The following FTCD variants were observed in gnomAD, a reference collection of about 807,000 sequenced individuals.
The protein encoded by FTCD is formimidoyltransferase cyclodeaminase.
In FTCD, 76 loss-of-function variants were observed where a neutral mutation model predicts 62.9. That is an observed-to-expected ratio of 1.21 (90% CI 1.00 to 1.46). The LOEUF is 1.46. Among genes scored for constraint, FTCD ranks in the 40% most tolerant of loss-of-function variants. The probability of loss-of-function intolerance (pLI) is 0.00; values close to 1 mark genes in which losing one functional copy is unlikely to be tolerated. For synonymous variants in FTCD, 397 were observed against 336.9 expected, an observed-to-expected ratio of 1.18 and a Z score of -1.95; for missense variants, 845 against 751.3, an observed-to-expected ratio of 1.12 and a Z score of -1.46.
intron 7 of FTCD, among the ~76,000 whole-genome samples, chr21:46,147,446 G>C (rs73384614): frequency 0.059 from 9,020 of 152,276 alleles, 348 homozygotes; most frequent in South Asian, 0.21. Context: ...ACAAGCGCCA[G>C]CACAAACCCT....
chr21:46,148,678 C>T (rs1264341203), intron 7 of FTCD, among the ~76,000 whole-genome samples: 1 of 152,226 alleles, frequency 6.6e-6, no homozygotes, highest in Non-Finnish European at 1.5e-5. Context: ...CCACAAGCAA[C>T]ATCAGACTAG....
At chr21:46,148,123 C>T (rs2079191324) in intron 7 of FTCD, among the ~76,000 whole-genome samples, 5 of 152,106 alleles carry the variant, frequency 3.3e-5, no homozygotes, top group Admixed American at 3.3e-4. Context: ...CAGGTATTTA[C>T]CTACTCAATA....
At position 46,138,490 on chromosome 21, in the gene FTCD, T is replaced by C; in HGVS notation, c.1443+18A>G. ...CTGCTTTGCGGCAGGAGGCCTGGGG[T>C]CCCCCGGGCCCCCCTACCTGGAGGT... On this transcript the variant is annotated intron_variant, in intron 12 of 13. Transcript: ENST00000397746. The C allele has an allele frequency of 6.4e-7, 1 of 1,570,818 alleles. No individual in the cohort carries two copies. Among genetic ancestry groups the C allele is most frequent in the Non-Finnish European group, 8.6e-7 (1 of 1,165,458 alleles).
At chr21:46,138,969 GC>G in intron 10 of FTCD, 46 bp from the exon 11 acceptor site, 1 of 1,466,900 alleles carries the variant, frequency 6.8e-7, no homozygotes, top group Non-Finnish European at 9.6e-7. Flanking sequence ...CGTAGGGGGA[GC>G]AGCCATGCCC....
intron 10 of FTCD, among the ~76,000 whole-genome samples, chr21:46,143,819 A>G (rs1487360744): frequency 6.6e-6 from 1 of 152,138 alleles, no homozygotes; most frequent in African/African-American, 2.4e-5. Context: ...CCCTTTCTCC[A>G]GGGGAGTTTG....
In FTCD at chr21:46,148,063, C is replaced by T. The variant is rs188367751; in HGVS notation, c.907-1736G>A. Among the ~76,000 whole-genome samples the T allele has an allele frequency of 4.9e-3, 751 of 152,110 alleles. 3 individuals carry two copies. The highest frequency in any genetic ancestry group is 7.1e-3 in the Non-Finnish European group (481 of 68,022). ...GCTGCTGCTTAGACAGAAAGGATGA[C>T]GTTGGAATGCTGTCACTGGCTCCTA... On this transcript the variant is annotated intron_variant, in intron 7 of 13. Coordinates refer to ENST00000397746, the MANE Select transcript of FTCD (RefSeq NM_206965.2).
At position 46,155,548 on chromosome 21, in the gene FTCD, C is replaced by T; in HGVS notation, c.-25G>A. On this transcript the variant is annotated 5_prime_UTR_variant, in exon 1 of 14. Coordinates refer to ENST00000397746, the MANE Select transcript of FTCD (RefSeq NM_206965.2). ...TGGCCAGCACCTTGATCCAGATGCT[C>T]CTCTCTGGGCAGATGGAAGGACAGG... 6.2e-7 allele frequency: 1 copy of T among 1,604,964 alleles called. No individual in the cohort carries two copies. The highest frequency in any genetic ancestry group is 2.2e-5 in the East Asian group (1 of 44,834).
intron 2 of FTCD, 41 bp downstream of exon 2, chr21:46,154,108 T>C (rs2079370770): frequency 1.3e-6 from 2 of 1,599,320 alleles, no homozygotes; most frequent in African/African-American, 1.3e-5. Flanking sequence ...GGCCCTGACA[T>C]TCTGAGACAC....
chr21:46,151,454 G>T, intron 5 of FTCD, 104 bp downstream of exon 5: 2 of 966,712 alleles, frequency 2.1e-6, no homozygotes, highest in East Asian at 2.6e-5. Context: ...AACCCTGTCC[G>T]GCCGGTGCCC....
In FTCD at chr21:46,136,815, T is replaced by G; in HGVS notation, c.*172A>C. The stretch of plus-strand genomic sequence containing the variant: ...AACTTTACTGGAGGTCACATGGGAC[T>G]AGGGGCCTTCTGTCCCTGCCAGCGC... On this transcript the variant is annotated 3_prime_UTR_variant, in exon 14 of 14. Transcript: ENST00000397746. The G allele has an allele frequency of 6.5e-7, 1 of 1,546,798 alleles. No homozygotes were observed. Among genetic ancestry groups the G allele is most frequent in the Non-Finnish European group, 8.7e-7 (1 of 1,145,030 alleles).
At position 46,149,938 on chromosome 21, in the gene FTCD, CA is replaced by C. The variant is rs553364647; in HGVS notation, c.906+180del. Among the ~76,000 whole-genome samples, 12 of 151,472 alleles carry C rather than the reference CA, an allele frequency of 7.9e-5. No individual in the cohort carries two copies. The South Asian group carries it at 2.5e-3, about 32-fold the overall frequency. ...GCACAGCTGAGCATATCATAGGTCA[CA>C]AAAAAACCTCAATAAGGTGTCCAAA... On this transcript the variant is annotated intron_variant, in intron 7 of 13. Transcript: ENST00000397746.
At chr21:46,153,176 A>G (rs9976772) in intron 2 of FTCD, 141 bp from the exon 3 acceptor site, 814,131 of 864,174 alleles carry the variant, frequency 0.94, 383,826 homozygotes, top group East Asian at 1. Flanking sequence ...ACTGACCCAC[A>G]GGGAGGAGGC....
intron 1 of FTCD, 42 bp downstream of exon 1, chr21:46,155,428 C>T (rs778294504): frequency 5.9e-6 from 9 of 1,533,224 alleles, no homozygotes; most frequent in Admixed American, 3.3e-5. Flanking sequence ...ACTCAAGCTG[C>T]CCCATCAGCC....
chr21:46,150,100 C>T lies in FTCD; in HGVS notation c.906+19G>A. ...CCCTGCACGCCCCTGTCCGACCCTT[C>T]CTCGGCAGCCCGGCCCACCAGCCTG... On this transcript the variant is annotated intron_variant, in intron 7 of 13. Transcript: ENST00000397746. 7.2e-7 allele frequency: 1 copy of T among 1,397,494 alleles called. No homozygotes were observed. The highest frequency in any genetic ancestry group is 9.6e-7 in the Non-Finnish European group (1 of 1,040,574). The allele number at this position is 1,397,494 out of a possible 1,614,324, so 86.6% of individuals were successfully genotyped here.
chr21:46,150,701 G>A (rs986606753), intron 5 of FTCD, among the ~76,000 whole-genome samples, 176 bp from the exon 6 acceptor site: 9 of 152,102 alleles, frequency 5.9e-5, no homozygotes, highest in Admixed American at 5.9e-4. Context: ...GAGAAACTTC[G>A]CTTGCCACAG....
chr21:46,146,279 C>G lies in FTCD; in HGVS notation c.955G>C (p.Glu319Gln). Residue 319 changes from glutamate to glutamine, a missense_variant, in exon 8 of 14, where the codon GAG (glutamate) becomes CAG (glutamine). Glu to Gln is a conservative substitution (Grantham distance 29). Transcript: ENST00000397746. ...GCAGAGGCTCACTCGATGATCCGCT[C>G]CTTAGGGCTGAAGGGGCACAGGGAG... ...LDSLCPFSPKERIIEYLVPER... is the reference protein window; with the variant it reads ...LDSLCPFSPKQRIIEYLVPER... The G allele has an allele frequency of 6.2e-7, 1 of 1,603,894 alleles. No individual in the cohort carries two copies. Among genetic ancestry groups the G allele is most frequent in the Non-Finnish European group, 8.5e-7 (1 of 1,174,838 alleles).
At chr21:46,137,112 T>G in intron 13 of FTCD, 39 bp from the exon 14 acceptor site, 4 of 1,612,772 alleles carry the variant, frequency 2.5e-6, no homozygotes, top group Non-Finnish European at 3.4e-6. Context: ...GTAGTTCCAG[T>G]CTTCAGCCCA....
At chr21:46,148,430 G>T (rs1361862443) in intron 7 of FTCD, among the ~76,000 whole-genome samples, 1 of 152,164 alleles carries the variant, frequency 6.6e-6, no homozygotes, top group African/African-American at 2.4e-5. Flanking sequence ...TTTGAGACCA[G>T]CCTGGGCAAT....
Position 46,138,525 on chromosome 21 carries a change from A to C in FTCD, c.1426T>G (p.Cys476Gly). 6.3e-7 allele frequency: 1 copy of C among 1,586,594 alleles called. No individual in the cohort carries two copies. The highest frequency in any genetic ancestry group is 1.1e-5 in the South Asian group (1 of 88,390). Residue 476 changes from cysteine (C) to glycine (G), a missense_variant, in exon 12 of 14, where the codon TGC (cysteine) becomes GGC (glycine). Transcript: ENST00000397746. ...QELARCGNLA[C>G]RSDLQVAAKA... ...CCCCCTACCTGGAGGTCTGACCGGC[A>C]GGCCAGGTTCCCACACCGGGCCAGT...
Sources: gnomAD v4.1 joint callset for allele counts (sites outside exome capture counted in the v4.1 genomes callset) on GRCh38, gnomAD v4.1.1 for gene constraint, MANE v1.5 for transcripts, NCBI Gene and HGNC (gene_info 2026-07-23, HGNC 2026-07-21) for gene names.